Variants in RPSA2 observed in about 807,000 individuals in gnomAD.
The protein encoded by RPSA2 is small ribosomal subunit protein uS2B.
the RPSA2 span, among the ~76,000 whole-genome samples, chr19:23,800,678 A>G: frequency 6.6e-6 from 1 of 152,084 alleles, no homozygotes; most frequent in Non-Finnish European, 1.5e-5. Context: ...CAGTGGCACA[A>G]TCTCAGCTCA....
At chr19:23,815,827 T>C in the RPSA2 span, among the ~76,000 whole-genome samples, 1 of 152,152 alleles carries the variant, frequency 6.6e-6, no homozygotes, top group Non-Finnish European at 1.5e-5. Flanking sequence ...AGACCTTATG[T>C]TATATATACA....
chr19:23,837,582 C>A, the RPSA2 span, among the ~76,000 whole-genome samples: 1 of 152,156 alleles, frequency 6.6e-6, no homozygotes, highest in Admixed American at 6.5e-5. Context: ...ATTGATTCTA[C>A]CCATCCATGA....
chr19:23,760,258 C>T, the RPSA2 span, among the ~76,000 whole-genome samples: 1 of 152,286 alleles, frequency 6.6e-6, no homozygotes, highest in East Asian at 1.9e-4. Context: ...CTCCATTCCA[C>T]TCTCTCCTCA....
At chr19:23,848,787 G>A in the RPSA2 span, among the ~76,000 whole-genome samples, 1 of 152,254 alleles carries the variant, frequency 6.6e-6, no homozygotes, top group Non-Finnish European at 1.5e-5. Flanking sequence ...TTTGATTGAT[G>A]CCTTGTTGAG....
At chr19:23,761,923 T>TCC in the RPSA2 span, among the ~76,000 whole-genome samples, 5,177 of 63,488 alleles carry the variant, frequency 0.082, 472 homozygotes, top group African/African-American at 0.1. Context: ...TTTCTTTCTT[T>TCC]TTTTTTTTTT....
the RPSA2 span, among the ~76,000 whole-genome samples, chr19:23,805,295 G>A: frequency 4.6e-5 from 7 of 152,036 alleles, no homozygotes; most frequent in African/African-American, 1.7e-4. Context: ...CTCCTGAGTA[G>A]CTGGGATTAC....
chr19:23,838,325 G>A, the RPSA2 span, among the ~76,000 whole-genome samples: 1 of 151,966 alleles, frequency 6.6e-6, no homozygotes, highest in African/African-American at 2.4e-5. Context: ...TGACATGTTG[G>A]ATTTGGTAAG....
At chr19:23,800,184 A>C in the RPSA2 span, among the ~76,000 whole-genome samples, 1 of 142,234 alleles carries the variant, frequency 7.0e-6, no homozygotes, top group Non-Finnish European at 1.5e-5. Context: ...ACATGCCACT[A>C]TGCCCGTCTT....
the RPSA2 span, among the ~76,000 whole-genome samples, chr19:23,812,694 C>T: frequency 6.6e-6 from 1 of 152,046 alleles, no homozygotes; most frequent in Non-Finnish European, 1.5e-5. Flanking sequence ...CCACTGGGCC[C>T]GACCTCTTAG....
chr19:23,764,760 T>A, the RPSA2 span, among the ~76,000 whole-genome samples: 1 of 150,772 alleles, frequency 6.6e-6, no homozygotes, highest in Non-Finnish European at 1.5e-5. Flanking sequence ...ACATTTTATG[T>A]GAGAAAAAAA....
the RPSA2 span, chr19:23,798,813 A>G: frequency 6.7e-6 from 1 of 148,586 alleles, no homozygotes; most frequent in African/African-American, 2.5e-5. Context: ...CTATTGTAGG[A>G]CAAATAAAGA....
At chr19:23,802,209 T>G in the RPSA2 span, among the ~76,000 whole-genome samples, 6 of 152,208 alleles carry the variant, frequency 3.9e-5, no homozygotes. Flanking sequence ...AAATAGAATC[T>G]GATGGCAGAA....
chr19:23,812,418 C>T, the RPSA2 span, among the ~76,000 whole-genome samples: 13 of 8,330 alleles, frequency 1.6e-3, no homozygotes, highest in East Asian at 2.5e-3. Context: ...GTTTTTGAGA[C>T]GGGGTTTTGC....
the RPSA2 span, chr19:23,832,792 G>C: frequency 6.4e-7 from 1 of 1,568,794 alleles, no homozygotes; most frequent in Non-Finnish European, 8.7e-7. Context: ...TCATACTGGA[G>C]AGAAACCCTA....
the RPSA2 span, chr19:23,831,795 G>T: frequency 3.3e-6 from 1 of 305,080 alleles, no homozygotes; most frequent in East Asian, 8.6e-5. Context: ...ACTACTCAGA[G>T]CAAAGTATTT....
At chr19:23,860,584 G>C in the RPSA2 span, among the ~76,000 whole-genome samples, 2 of 151,954 alleles carry the variant, frequency 1.3e-5, no homozygotes, top group Non-Finnish European at 2.9e-5. Context: ...GTCAAGAAAT[G>C]GTTCCCAATG....
chr19:23,806,651 G>A, the RPSA2 span, among the ~76,000 whole-genome samples: 1 of 151,784 alleles, frequency 6.6e-6, no homozygotes, highest in East Asian at 2.0e-4. Context: ...CAGGCATGGT[G>A]GCACGTGCTA....
chr19:23,816,136 T>TTTA, the RPSA2 span, among the ~76,000 whole-genome samples: 1 of 152,094 alleles, frequency 6.6e-6, no homozygotes, highest in African/African-American at 2.4e-5. Context: ...TATTTACTTG[T>TTTA]TTATTCATTT....
the RPSA2 span, among the ~76,000 whole-genome samples, chr19:23,813,309 T>G: frequency 6.6e-6 from 1 of 151,668 alleles, no homozygotes; most frequent in Non-Finnish European, 1.5e-5. Context: ...CTTCTAGAAA[T>G]TTTATATCTT....
Sources: allele counts gnomAD v4.1 joint callset (sites outside exome capture counted in the v4.1 genomes callset), GRCh38; gene constraint gnomAD v4.1.1; transcripts MANE v1.5; gene names NCBI Gene and HGNC (gene_info 2026-07-23, HGNC 2026-07-21).